CDH13: variants seen among roughly 807,000 people sequenced by gnomAD.
CDH13 encodes cadherin-13.
CDH13 carries 24 observed loss-of-function variants against 63.8 expected under a neutral mutation model. The observed-to-expected ratio is 0.38, with a 90% CI of 0.27 to 0.53. The LOEUF is 0.53. Ranked by LOEUF, CDH13 falls within the 20% of genes least tolerant of loss-of-function variation. The pLI is 0.85. For missense variants in CDH13, 1,049 were observed against 903.1 expected (o/e 1.16, Z -2.07); for synonymous variants, 503 against 355.3 (o/e 1.42, Z -4.67).
chr16:83,606,648 G>T (rs965342975), intron 8 of CDH13, among the ~76,000 whole-genome samples: 5 of 150,654 alleles, frequency 3.3e-5, no homozygotes, highest in Non-Finnish European at 7.4e-5. Context: ...GATCATTTGA[G>T]CCTGGAAGGT....
chr16:83,176,771 C>G (rs1430820438), intron 4 of CDH13, among the ~76,000 whole-genome samples: 1 of 152,014 alleles, frequency 6.6e-6, no homozygotes, highest in African/African-American at 2.4e-5. Flanking sequence ...GAAATGGAGG[C>G]AGAAGTTTAA....
At chr16:83,009,151 G>C (rs942629366) in intron 2 of CDH13, among the ~76,000 whole-genome samples, 4 of 152,216 alleles carry the variant, frequency 2.6e-5, no homozygotes, top group Non-Finnish European at 4.4e-5. Flanking sequence ...AGCCAAACCA[G>C]ATCATAGTCC....
chr16:83,181,080 G>C (rs1030503323), intron 4 of CDH13: 3 of 1,340,472 alleles, frequency 2.2e-6, no homozygotes, highest in Non-Finnish European at 2.0e-6. Flanking sequence ...TAAATAAATT[G>C]TCCTGTTGAC....
chr16:83,284,740 A>G (rs2089266287), intron 5 of CDH13, among the ~76,000 whole-genome samples: 1 of 152,092 alleles, frequency 6.6e-6, no homozygotes. Flanking sequence ...CATAAGTATG[A>G]TTAGTAATAA....
chr16:83,410,082 G>A (rs1193823612), intron 6 of CDH13, among the ~76,000 whole-genome samples: 1 of 152,210 alleles, frequency 6.6e-6, no homozygotes, highest in African/African-American at 2.4e-5. Flanking sequence ...GGGTCCCTGA[G>A]AGTTGCAAGC....
intron 2 of CDH13, among the ~76,000 whole-genome samples, chr16:82,914,240 C>A (rs913630663): frequency 3.9e-5 from 6 of 152,060 alleles, no homozygotes; most frequent in African/African-American, 1.4e-4. Flanking sequence ...TCCCAGGGCC[C>A]ATTTGTTAGT....
intron 1 of CDH13, among the ~76,000 whole-genome samples, chr16:82,670,500 T>C (rs148248375): frequency 6.6e-6 from 1 of 152,306 alleles, no homozygotes; most frequent in African/African-American, 2.4e-5. Context: ...TGTGGGTTTA[T>C]GGGTAGGGTG....
intron 10 of CDH13, among the ~76,000 whole-genome samples, chr16:83,713,369 A>T (rs1021387775): frequency 6.6e-6 from 1 of 152,136 alleles, no homozygotes; most frequent in Non-Finnish European, 1.5e-5. Flanking sequence ...TTTGAGTCCG[A>T]CTTATTTTTG....
chr16:83,366,874 G>C (rs761895600), intron 6 of CDH13, among the ~76,000 whole-genome samples: 2 of 152,122 alleles, frequency 1.3e-5, no homozygotes, highest in East Asian at 3.9e-4. Context: ...CTGTGCGTAA[G>C]TTATGCTGTT....
intron 1 of CDH13, among the ~76,000 whole-genome samples, chr16:82,740,756 G>C (rs1045808395): frequency 6.6e-6 from 1 of 152,162 alleles, no homozygotes; most frequent in African/African-American, 2.4e-5. Context: ...GGTAGGAACT[G>C]GTGCTCAGTC....
chr16:83,186,135 AT>A (rs1009429388), intron 4 of CDH13, among the ~76,000 whole-genome samples: 3 of 137,508 alleles, frequency 2.2e-5, no homozygotes, highest in African/African-American at 8.3e-5. Context: ...ATTTTATTTT[AT>A]TTTATTTTAT....
At chr16:83,112,968 A>G (rs2035131924) in intron 3 of CDH13, among the ~76,000 whole-genome samples, 4 of 152,210 alleles carry the variant, frequency 2.6e-5, no homozygotes, top group Admixed American at 2.0e-4. Flanking sequence ...CATGTCTGGT[A>G]CACATGATTC....
intron 1 of CDH13, among the ~76,000 whole-genome samples, chr16:82,660,562 C>A (rs1407906504): frequency 6.6e-6 from 1 of 151,990 alleles, no homozygotes; most frequent in African/African-American, 2.4e-5. Flanking sequence ...CAGCCCGAGG[C>A]CAGAGATGAA....
chr16:83,393,175 G>C (rs1468842245), intron 6 of CDH13, among the ~76,000 whole-genome samples: 1 of 152,182 alleles, frequency 6.6e-6, no homozygotes. Flanking sequence ...ATGTCACCCA[G>C]AGCTGGTGCT....
chr16:83,406,162 C>G (rs955594212), intron 6 of CDH13, among the ~76,000 whole-genome samples: 4 of 152,192 alleles, frequency 2.6e-5, no homozygotes, highest in Non-Finnish European at 5.9e-5. Context: ...AGGCCCCTGT[C>G]TATGAAAGGG....
chr16:83,012,489 T>C (rs1050965072), intron 2 of CDH13, among the ~76,000 whole-genome samples: 1 of 152,150 alleles, frequency 6.6e-6, no homozygotes, highest in African/African-American at 2.4e-5. Context: ...TTTCAAATGG[T>C]TTCACTTACA....
At chr16:83,140,486 T>G (rs537544920) in intron 4 of CDH13, among the ~76,000 whole-genome samples, 1 of 152,252 alleles carries the variant, frequency 6.6e-6, no homozygotes, top group African/African-American at 2.4e-5. Context: ...GGAGTCGTGC[T>G]CTTCTTGCCC....
At chr16:83,174,363 A>G (rs1396671153) in intron 4 of CDH13, among the ~76,000 whole-genome samples, 2 of 152,008 alleles carry the variant, frequency 1.3e-5, no homozygotes, top group Admixed American at 1.3e-4. Flanking sequence ...TTTCTTTTTA[A>G]GAGATTAATT....
chr16:83,190,988 G>T (rs996028434), intron 4 of CDH13, among the ~76,000 whole-genome samples: 2 of 151,788 alleles, frequency 1.3e-5, no homozygotes, highest in Non-Finnish European at 2.9e-5. Flanking sequence ...TTTGGGGTGG[G>T]AATGTTCTTA....
Sources: allele counts gnomAD v4.1 joint callset (sites outside exome capture counted in the v4.1 genomes callset), GRCh38; gene constraint gnomAD v4.1.1; transcripts MANE v1.5; gene names NCBI Gene and HGNC (gene_info 2026-07-23, HGNC 2026-07-21).